LYST: variants seen among roughly 807,000 people sequenced by gnomAD.
LYST encodes lysosomal trafficking regulator.
LYST carries 192 observed loss-of-function variants against 413.6 expected under a neutral mutation model. The ratio of observed to expected loss-of-function variants is 0.46; its 90% CI spans 0.41 to 0.52. The LOEUF (loss-of-function observed/expected upper bound fraction) is 0.52, where lower values mean the gene tolerates loss of function less well. Among genes scored for constraint, LYST ranks in the 20% least tolerant of loss-of-function variants. LYST has a pLI of 0.00. For synonymous variants in LYST, 1,525 were observed against 1,567.3 expected (o/e 0.97, Z 0.64); for missense variants, 3,815 against 4,499.9 (o/e 0.85, Z 4.35).
chr1:235,869,385 T>C (rs958963161), upstream of LYST, among the ~76,000 whole-genome samples: 5 of 151,928 alleles, frequency 3.3e-5, no homozygotes, highest in African/African-American at 1.2e-4. Context: ...GGCAGGAGAA[T>C]AGCGTGAACC....
At chr1:235,685,823 G>T (rs2103055450) in intron 48 of LYST, among the ~76,000 whole-genome samples, 1 of 150,784 alleles carries the variant, frequency 6.6e-6, no homozygotes, top group Non-Finnish European at 1.5e-5. Flanking sequence ...TCTGGCCTGG[G>T]CGACAGAGTG....
chr1:235,714,754 G>A (rs565677331), intron 42 of LYST, among the ~76,000 whole-genome samples: 26 of 152,212 alleles, frequency 1.7e-4, no homozygotes, highest in East Asian at 7.7e-4. Context: ...TGAAGTTGCC[G>A]GTGTGCGTCT....
In LYST at chr1:235,808,715, A is replaced by G. The variant is rs1304503707; in HGVS notation, c.2103T>C (p.Phe701=). The change falls in exon 5 of 53, where the codon TTT becomes TTC. Residue 701 remains phenylalanine (F), a synonymous_variant. Coordinates refer to ENST00000389793, the MANE Select transcript of LYST (RefSeq NM_000081.4). The stretch of plus-strand genomic sequence containing the variant: ...GTATACTATGTAATCTGTCTTCTTC[A>G]AAAACAAAGTTCTGATAAGCCTTTA... ...DALKAYQNFV[F]EEDRLHSIQI... The G allele has an allele frequency of 2.5e-6, 4 of 1,613,928 alleles. No homozygotes were observed. In the African/African-American group the frequency reaches 4.0e-5, roughly 16 times the overall value.
chr1:235,711,040 T>G (rs1040172714), intron 43 of LYST, among the ~76,000 whole-genome samples: 2 of 152,226 alleles, frequency 1.3e-5, no homozygotes, highest in Non-Finnish European at 2.9e-5. Context: ...ACCATCTAGC[T>G]GAGCTGTTTC....
At chr1:235,684,973 T>C (rs1318183698) in intron 48 of LYST, among the ~76,000 whole-genome samples, 1 of 152,112 alleles carries the variant, frequency 6.6e-6, no homozygotes, top group South Asian at 2.1e-4. Flanking sequence ...AAGAACCTCA[T>C]CACTGGCCTC....
chr1:235,676,754 C>T (rs1016296548), intron 50 of LYST, among the ~76,000 whole-genome samples: 1 of 151,896 alleles, frequency 6.6e-6, no homozygotes, highest in Admixed American at 6.6e-5. Flanking sequence ...TCAATAGTTA[C>T]AAAGCAGAAG....
rs537868603 is a variant in LYST at position 235,758,566 on chromosome 1, C to T, written c.6881+406G>A. ...TCTGGAGCCGTCACTTGTCTCTGATCAAGTAAGATGTTACTCAGGACAGGC... is the reference window on the plus strand; with the variant it reads ...TCTGGAGCCGTCACTTGTCTCTGATTAAGTAAGATGTTACTCAGGACAGGC... On this transcript the variant is annotated intron_variant, in intron 23 of 52. Coordinates refer to ENST00000389793, the MANE Select transcript of LYST (RefSeq NM_000081.4). Among the ~76,000 whole-genome samples the T allele has an allele frequency of 2.9e-3, 437 of 152,306 alleles. 2 individuals carry two copies. Among genetic ancestry groups the T allele is most frequent in the African/African-American group, 0.01 (416 of 41,570 alleles).
At chr1:235,750,444 C>T (rs554792563) in intron 28 of LYST, among the ~76,000 whole-genome samples, 88 of 152,092 alleles carry the variant, frequency 5.8e-4, no homozygotes, top group African/African-American at 1.7e-3. Context: ...TAGCTTAACA[C>T]GGGTGAAAGA....
intron 19 of LYST, among the ~76,000 whole-genome samples, chr1:235,771,769 T>C (rs1278530707): frequency 6.6e-6 from 1 of 152,134 alleles, no homozygotes; most frequent in Non-Finnish European, 1.5e-5. Context: ...CTCTGTTTTG[T>C]GGCTGCATAC....
At chr1:235,737,931 G>A in intron 31 of LYST, 11 of 1,180,574 alleles carry the variant, frequency 9.3e-6, no homozygotes, top group Non-Finnish European at 1.2e-5. Flanking sequence ...GGATCTCACT[G>A]CCGCGTGCCC....
rs780254121 is a variant in LYST at position 235,809,781 on chromosome 1, G to A, written c.1037C>T (p.Pro346Leu). The change falls in exon 5 of 53, where the codon CCA (proline) becomes CTA (leucine). Residue 346 changes from proline (P) to leucine (L), a missense_variant. Transcript: ENST00000389793. This position sits in a 1 kb window ranked among gnomAD's most constrained non-coding sequence, Gnocchi z 4.0. ...AGTTAAATTTTTCCTAAGATTTTCT[G>A]GCATCATCTCTGCAGTACTAACATC... ...SVDVSTAEMM[P>L]ENLRKNLTEL... 1 of 1,613,920 alleles carries A rather than the reference G, an allele frequency of 6.2e-7. No homozygotes were observed. The highest frequency in any genetic ancestry group is 8.5e-7 in the Non-Finnish European group (1 of 1,179,962).
At chr1:235,766,739 T>C (rs754077164) in intron 20 of LYST, among the ~76,000 whole-genome samples, 2 of 152,126 alleles carry the variant, frequency 1.3e-5, no homozygotes, top group Non-Finnish European at 2.9e-5. Context: ...GCCTTGCATA[T>C]AGGTAAGCCC....
intron 46 of LYST, among the ~76,000 whole-genome samples, chr1:235,694,445 T>C (rs1660931264): frequency 6.6e-6 from 1 of 152,200 alleles, no homozygotes; most frequent in African/African-American, 2.4e-5. Context: ...GCAGCATATA[T>C]GCTGTAAATG....
At chr1:235,856,486 G>C (rs774959406) in intron 1 of LYST, among the ~76,000 whole-genome samples, 11 of 152,084 alleles carry the variant, frequency 7.2e-5, no homozygotes, top group Admixed American at 5.2e-4. Context: ...ATGCCTCTTT[G>C]GGTTGTGAAC....
chr1:235,771,913 G>GTTTTTTTTTTTTTTTTT (rs1187587312), intron 19 of LYST, among the ~76,000 whole-genome samples: 1 of 95,182 alleles, frequency 1.1e-5, no homozygotes, highest in African/African-American at 3.8e-5. Flanking sequence ...AGGTTTTTTA[G>GTTTTTTTTTTTTTTTTT]TTTGTTTTTT....
At chr1:235,682,834 A>G (rs2103048510) in intron 48 of LYST, among the ~76,000 whole-genome samples, 1 of 152,120 alleles carries the variant, frequency 6.6e-6, no homozygotes, top group Middle Eastern at 3.4e-3. Context: ...CAGTGTCCCA[A>G]TTTTAAACAG....
intron 1 of LYST, among the ~76,000 whole-genome samples, chr1:235,882,985 C>T (rs1454050996): frequency 2.0e-5 from 3 of 152,064 alleles, no homozygotes; most frequent in Admixed American, 6.6e-5. Context: ...CTCTTCCCTG[C>T]GGTTTCTCTA....
rs1672792213 is a variant in LYST, at chr1:235,806,008, A to G, written c.3128T>C (p.Ile1043Thr). 1.9e-6 allele frequency: 3 copies of G among 1,613,970 alleles called. No homozygotes were observed. Among genetic ancestry groups the G allele is most frequent in the Non-Finnish European group, 1.7e-6 (2 of 1,179,938 alleles). The change falls in exon 6 of 53, where the codon ATA (isoleucine) becomes ACA (threonine). Residue 1043 changes from isoleucine to threonine, a missense_variant. By Grantham distance (89) the Ile-to-Thr change is moderately conservative. This residue lies in a region of LYST where 1,648 missense variants were observed against 1,810.3 expected (regional missense o/e 0.91). Transcript: ENST00000389793. ...TMKEDLLSLA[I>T]KSDPIPSELG... ...TTCTGATGGTATGGGGTCACTTTTT[A>G]TAGCCAAAGATAATAAATCTTCCTT...
At position 235,770,249 on chromosome 1, in the gene LYST, C is replaced by T. The variant is rs750338502; in HGVS notation, c.5833G>A (p.Ala1945Thr). ...LLAALEVLIR[A>T]DHHQQMFNIK... ...TTAAACATCTGCTGGTGGTGATCTGCTCTGATGAGGACTTCTAGAGCTGCT... is the reference window on the plus strand; with the variant it reads ...TTAAACATCTGCTGGTGGTGATCTGTTCTGATGAGGACTTCTAGAGCTGCT... The change falls in exon 20 of 53, where the codon GCA becomes ACA. Residue 1945 changes from alanine (A) to threonine (T), a missense_variant. This residue lies in a region of LYST where 530 missense variants were observed against 696.5 expected (regional missense o/e 0.76). Coordinates refer to ENST00000389793, the MANE Select transcript of LYST (RefSeq NM_000081.4). The T allele has an allele frequency of 1.9e-5, 31 of 1,613,766 alleles. No individual in the cohort carries two copies. The highest frequency in any genetic ancestry group is 6.7e-5 in the Admixed American group (4 of 59,976).
Sources: allele counts gnomAD v4.1 joint callset (sites outside exome capture counted in the v4.1 genomes callset), GRCh38; gene constraint gnomAD v4.1.1; regional missense constraint gnomAD v4.1.1; non-coding constraint Gnocchi (gnomAD v3.1); transcripts MANE v1.5; gene names NCBI Gene and HGNC (gene_info 2026-07-23, HGNC 2026-07-21).